The following QTMAN variants were observed in gnomAD, a reference collection of about 807,000 sequenced individuals.
QTMAN encodes the protein tRNA-queuosine alpha-mannosyltransferase.
chr2:144,015,967 C>T, the QTMAN span, among the ~76,000 whole-genome samples: 7,616 of 152,226 alleles, frequency 0.05, 239 homozygotes, highest in South Asian at 0.073. Context: ...TCGGGCGTGA[C>T]GTGTAGTAGG....
At chr2:144,288,726 C>T in the QTMAN span, among the ~76,000 whole-genome samples, 1 of 152,078 alleles carries the variant, frequency 6.6e-6, no homozygotes, top group Non-Finnish European at 1.5e-5. Context: ...GTCTACAGAT[C>T]CCACCACACC....
the QTMAN span, among the ~76,000 whole-genome samples, chr2:144,215,248 T>TAAA: frequency 1.6e-4 from 23 of 147,652 alleles, no homozygotes; most frequent in African/African-American, 4.8e-4. Flanking sequence ...TCTTTATTTT[T>TAAA]TAAAAAAAAA....
At chr2:143,999,313 C>G in the QTMAN span, among the ~76,000 whole-genome samples, 1 of 151,780 alleles carries the variant, frequency 6.6e-6, no homozygotes, top group Admixed American at 6.6e-5. Context: ...GGGAAGATGT[C>G]TGTGGAAGGC....
the QTMAN span, among the ~76,000 whole-genome samples, chr2:144,062,779 C>G: frequency 6.6e-6 from 1 of 152,122 alleles, no homozygotes; most frequent in African/African-American, 2.4e-5. Flanking sequence ...AGATCAGTAG[C>G]CTCAATTTCC....
the QTMAN span, among the ~76,000 whole-genome samples, chr2:144,199,204 C>T: frequency 2.0e-5 from 3 of 152,086 alleles, no homozygotes; most frequent in African/African-American, 7.2e-5. Flanking sequence ...CCCACCACTA[C>T]GCCCGGCTAA....
chr2:144,203,181 G>A, the QTMAN span, among the ~76,000 whole-genome samples: 1 of 151,302 alleles, frequency 6.6e-6, no homozygotes, highest in African/African-American at 2.5e-5. Flanking sequence ...GTGTGTGTGT[G>A]TGTGTGTGTG....
At chr2:144,208,476 A>G in the QTMAN span, 1 of 748,578 alleles carries the variant, frequency 1.3e-6, no homozygotes, top group Non-Finnish European at 2.1e-6. Flanking sequence ...CTAAAGAAAT[A>G]TCTACTATAG....
the QTMAN span, chr2:143,963,821 T>C: frequency 6.6e-6 from 1 of 152,132 alleles, no homozygotes; most frequent in Non-Finnish European, 1.5e-5. Context: ...TTTTCTTTAT[T>C]TCAGCAAAGG....
chr2:144,215,815 G>C, the QTMAN span, among the ~76,000 whole-genome samples: 1 of 152,120 alleles, frequency 6.6e-6, no homozygotes, highest in Non-Finnish European at 1.5e-5. Flanking sequence ...CTTTTAAGTA[G>C]GTCTCCATGC....
At chr2:144,283,008 G>A in the QTMAN span, among the ~76,000 whole-genome samples, 6 of 152,068 alleles carry the variant, frequency 3.9e-5, no homozygotes, top group Admixed American at 1.3e-4. Context: ...AAGTTGCTGC[G>A]CCCAGGACCC....
the QTMAN span, among the ~76,000 whole-genome samples, chr2:144,081,089 A>G: frequency 6.6e-6 from 1 of 152,168 alleles, no homozygotes; most frequent in African/African-American, 2.4e-5. Flanking sequence ...ACTATTGCCA[A>G]TTATGTTTAA....
the QTMAN span, among the ~76,000 whole-genome samples, chr2:144,118,710 T>C: frequency 6.6e-6 from 1 of 151,874 alleles, no homozygotes; most frequent in Non-Finnish European, 1.5e-5. Context: ...GGAAACCCCG[T>C]CTCTGCTAAA....
the QTMAN span, among the ~76,000 whole-genome samples, chr2:144,152,923 T>A: frequency 6.6e-6 from 1 of 152,160 alleles, no homozygotes; most frequent in Non-Finnish European, 1.5e-5. Flanking sequence ...TGATTACGAA[T>A]GAAGGCAGAG....
At chr2:144,104,193 T>C in the QTMAN span, among the ~76,000 whole-genome samples, 1 of 151,702 alleles carries the variant, frequency 6.6e-6, no homozygotes, top group Non-Finnish European at 1.5e-5. Context: ...ATGCAGAAGA[T>C]GGGTGATTTC....
the QTMAN span, among the ~76,000 whole-genome samples, chr2:144,105,162 G>C: frequency 1.3e-5 from 2 of 152,180 alleles, no homozygotes; most frequent in Non-Finnish European, 2.9e-5. Context: ...GGGAAAAACA[G>C]AGCAGAAAAG....
the QTMAN span, among the ~76,000 whole-genome samples, chr2:144,057,222 C>G: frequency 1.3e-5 from 2 of 152,194 alleles, no homozygotes. Flanking sequence ...AGCTGGTAGA[C>G]AATAATAAAT....
chr2:144,121,313 C>T, the QTMAN span, among the ~76,000 whole-genome samples: 1 of 152,142 alleles, frequency 6.6e-6, no homozygotes, highest in African/African-American at 2.4e-5. Flanking sequence ...CACTAACTAC[C>T]TCCACCTGGC....
chr2:143,972,690 T>A, the QTMAN span, among the ~76,000 whole-genome samples: 13 of 152,268 alleles, frequency 8.5e-5, no homozygotes, highest in South Asian at 2.3e-3. Flanking sequence ...TTACTTTGCA[T>A]AAGAACACAA....
chr2:144,163,794 A>G, the QTMAN span, among the ~76,000 whole-genome samples: 1 of 152,226 alleles, frequency 6.6e-6, no homozygotes, highest in Non-Finnish European at 1.5e-5. Context: ...GGTTAAGGTC[A>G]TGTACTCCAA....
Sources: gnomAD v4.1 joint callset for allele counts (sites outside exome capture counted in the v4.1 genomes callset) on GRCh38, gnomAD v4.1.1 for gene constraint, MANE v1.5 for transcripts, NCBI Gene and HGNC (gene_info 2026-07-23, HGNC 2026-07-21) for gene names.